DNAL1: variants seen among roughly 807,000 people sequenced by gnomAD.
DNAL1 encodes the protein chromosome 14 open reading frame 168.
In DNAL1, 17 loss-of-function variants were observed where a neutral mutation model predicts 29.4. That is an observed-to-expected ratio of 0.58 (90% confidence interval 0.40 to 0.87). DNAL1 has a LOEUF of 0.87. Ranked by LOEUF, DNAL1 falls within the 40% of genes least tolerant of loss-of-function variation. The pLI is 0.00. For missense variants in DNAL1, 188 were observed against 214.1 expected, an observed-to-expected ratio of 0.88 and a Z score of 0.76; for synonymous variants, 78 against 76.3, an observed-to-expected ratio of 1.02 and a Z score of -0.12.
intron 4 of DNAL1, among the ~76,000 whole-genome samples, chr14:73,670,716 T>A (rs1310907359): frequency 3.3e-5 from 5 of 151,450 alleles, no homozygotes. Context: ...TTTTATTTTA[T>A]TTTTTATTTT....
rs201224217 is a variant in DNAL1, at chr14:73,680,630, C to CACTT, written c.265-6628_265-6627insCTTA. On this transcript the variant is annotated intron_variant, in intron 5 of 7. Coordinates refer to ENST00000553645, the MANE Select transcript of DNAL1 (RefSeq NM_031427.4). ...GTGATTAGCATATCAATCACTCAAA[C>CACTT]ATTATTTATTTATAGTGAGAACATT... Among the ~76,000 whole-genome samples, 1,220 of 152,238 alleles carry CACTT rather than the reference C, an allele frequency of 8.0e-3. 23 individuals carry two copies. The highest frequency in any genetic ancestry group is 0.028 in the African/African-American group (1,156 of 41,532).
At chr14:73,661,852 G>T in intron 3 of DNAL1, 135 bp from the exon 4 acceptor site, 2 of 562,854 alleles carry the variant, frequency 3.6e-6, no homozygotes, top group Non-Finnish European at 6.2e-6. Flanking sequence ...ATTTCAAAAT[G>T]AAGTAATAAA....
At chr14:73,676,823 G>C (rs547070027) in intron 5 of DNAL1, among the ~76,000 whole-genome samples, 1 of 152,026 alleles carries the variant, frequency 6.6e-6, no homozygotes, top group African/African-American at 2.4e-5. Flanking sequence ...AAGTAGAAAA[G>C]CTGAGGATAT....
intron 4 of DNAL1, among the ~76,000 whole-genome samples, chr14:73,670,983 G>A (rs1485795109): frequency 6.6e-5 from 10 of 151,968 alleles, no homozygotes; most frequent in Admixed American, 2.0e-4. Context: ...TGATCCGCCC[G>A]CCTCAGCCTC....
At chr14:73,685,803 A>G (rs559457210) in intron 5 of DNAL1, among the ~76,000 whole-genome samples, 3 of 152,176 alleles carry the variant, frequency 2.0e-5, no homozygotes, top group African/African-American at 7.2e-5. Context: ...TACGGTATGT[A>G]TATACCATGT....
intron 1 of DNAL1, among the ~76,000 whole-genome samples, chr14:73,649,396 C>T (rs921305844): frequency 1.3e-5 from 2 of 151,954 alleles, no homozygotes; most frequent in East Asian, 3.9e-4. Flanking sequence ...CATTCTCCTG[C>T]CTCAGCCTCC....
intron 5 of DNAL1, among the ~76,000 whole-genome samples, chr14:73,672,759 A>ATT (rs376650794): frequency 1.9e-4 from 27 of 141,998 alleles, no homozygotes; most frequent in Non-Finnish European, 2.6e-4. Context: ...TAAAAATTTG[A>ATT]TTTTTTTTTT....
At chr14:73,649,320 T>C (rs1194805776) in intron 1 of DNAL1, among the ~76,000 whole-genome samples, 2 of 150,698 alleles carry the variant, frequency 1.3e-5, no homozygotes. Flanking sequence ...TCTCGCTCTG[T>C]CGCCAGGGCT....
intron 5 of DNAL1, among the ~76,000 whole-genome samples, chr14:73,685,796 G>A (rs746697076): frequency 7.2e-5 from 11 of 151,924 alleles, no homozygotes; most frequent in Admixed American, 3.3e-4. Context: ...ATTCTATTAC[G>A]GTATGTATAT....
chr14:73,654,450 C>T (rs975002339), intron 1 of DNAL1, among the ~76,000 whole-genome samples: 2 of 152,114 alleles, frequency 1.3e-5, no homozygotes, highest in African/African-American at 4.8e-5. Context: ...AGTTAATCAA[C>T]AAATTACACC....
At chr14:73,674,151 T>C (rs904806673) in intron 5 of DNAL1, among the ~76,000 whole-genome samples, 1 of 152,168 alleles carries the variant, frequency 6.6e-6, no homozygotes, top group Non-Finnish European at 1.5e-5. Context: ...GGCCTTTGCC[T>C]TCCTTTCTGA....
intron 3 of DNAL1, chr14:73,659,710 A>G (rs995319300): frequency 1.3e-5 from 2 of 152,182 alleles, no homozygotes; most frequent in Non-Finnish European, 2.9e-5. Context: ...TTGTAAAATT[A>G]TCCACAAAGT....
intron 7 of DNAL1, among the ~76,000 whole-genome samples, chr14:73,694,698 T>TTC (rs1306476289): frequency 6.6e-6 from 1 of 152,060 alleles, no homozygotes; most frequent in African/African-American, 2.4e-5. Flanking sequence ...AAAACTTTTT[T>TTC]TTTTTTTTTG....
chr14:73,681,621 AAAAAAAAAAAAAATAT>A (rs1215824985), intron 5 of DNAL1, among the ~76,000 whole-genome samples: 13 of 40,000 alleles, frequency 3.2e-4, no homozygotes, highest in Non-Finnish European at 6.5e-4. Flanking sequence ...AAAAAAAAAA[AAAAAAAAAAAAAATAT>A]ATATATATAT....
intron 4 of DNAL1, among the ~76,000 whole-genome samples, chr14:73,668,354 T>C (rs1445206792): frequency 1.3e-5 from 2 of 152,234 alleles, no homozygotes; most frequent in East Asian, 1.9e-4. Context: ...CAGTAACTTA[T>C]GTGTTGAGTG....
chr14:73,664,002 G>A (rs1386816436), intron 4 of DNAL1, among the ~76,000 whole-genome samples: 2 of 152,042 alleles, frequency 1.3e-5, no homozygotes, highest in African/African-American at 4.8e-5. Flanking sequence ...TTTGTTTTAG[G>A]TAAGTCCCTC....
rs572446844 is a variant in DNAL1 at position 73,682,926 on chromosome 14, G to A, written c.265-4333G>A. Among the ~76,000 whole-genome samples the A allele has an allele frequency of 4.9e-5, 7 of 143,652 alleles. No homozygotes were observed. The East Asian group carries it at 1.4e-3, about 29-fold the overall frequency. The allele number at this position is 143,652 out of a possible 152,430, so 94.2% of individuals were successfully genotyped here. ...AGTTTCGCTCTTGTTGCCCAGGCCA[G>A]AGTGCAATGGCACAATCTCGGCTCA... On this transcript the variant is annotated intron_variant, in intron 5 of 7. Coordinates refer to ENST00000553645, the MANE Select transcript of DNAL1 (RefSeq NM_031427.4).
intron 2 of DNAL1, 108 bp downstream of exon 2, chr14:73,654,993 A>G (rs1435350282): frequency 2.6e-6 from 3 of 1,150,064 alleles, no homozygotes; most frequent in South Asian, 2.9e-5. Context: ...TATTGGAACT[A>G]TTCAGCTATC....
chr14:73,666,992 C>T (rs1891500704), intron 4 of DNAL1, among the ~76,000 whole-genome samples: 1 of 150,430 alleles, frequency 6.6e-6, no homozygotes, highest in African/African-American at 2.4e-5. Flanking sequence ...CCTAGATTAT[C>T]TCATCTAGAG....
Sources: gnomAD v4.1 joint callset for allele counts (sites outside exome capture counted in the v4.1 genomes callset) on GRCh38, gnomAD v4.1.1 for gene constraint, MANE v1.5 for transcripts, NCBI Gene and HGNC (gene_info 2026-07-23, HGNC 2026-07-21) for gene names.